Variants in CCNDBP1 observed in about 807,000 individuals in gnomAD.
The protein encoded by CCNDBP1 is cyclin D1 binding protein 1.
A neutral mutation model predicts 46.2 loss-of-function variants in CCNDBP1; 45 were observed. That is an observed-to-expected ratio of 0.97 (90% CI 0.77 to 1.25). The LOEUF (loss-of-function observed/expected upper bound fraction) is 1.25, where lower values mean the gene tolerates loss of function less well. Ranked by LOEUF, CCNDBP1 falls within the 50% of genes most tolerant of loss-of-function variation. The pLI is 0.00. For synonymous variants in CCNDBP1, 154 were observed against 163.6 expected (o/e 0.94, Z 0.45); for missense variants, 436 against 442.1 (o/e 0.99, Z 0.12).
Position 43,197,138 on chromosome 15 carries a change from C to A in CCNDBP1, c.*2297C>A. 1.1e-6 allele frequency: 1 copy of A among 946,508 alleles called. No homozygotes were observed. The highest frequency in any genetic ancestry group is 1.6e-6 in the Non-Finnish European group (1 of 617,590). The allele number at this position is 946,508 out of a possible 1,614,324, so 58.6% of individuals were successfully genotyped here. A position where few individuals can be genotyped will look rare whatever the true frequency, so the allele number is the denominator to read the frequency against. On this transcript the variant is annotated 3_prime_UTR_variant, in exon 11 of 11. Transcript: ENST00000300213. ...CCCTCACTGTTTCTTGTACAGCCTG[C>A]AGAGCCGTGAGCCAAATAAAGCTCT...
chr15:43,187,428 C>A (rs1457425112), intron 3 of CCNDBP1, among the ~76,000 whole-genome samples: 1 of 152,062 alleles, frequency 6.6e-6, no homozygotes, highest in East Asian at 1.9e-4. Context: ...TGTCACCACG[C>A]CTGGCTAATT....
Position 43,190,961 on chromosome 15 carries a change from CAT to C in CCNDBP1, c.503-3_503-2del. The C allele has an allele frequency of 3.1e-6, 5 of 1,612,218 alleles. No individual in the cohort carries two copies. The highest frequency in any genetic ancestry group is 4.2e-6 in the Non-Finnish European group (5 of 1,178,310). ...ATTCTAGTGCTTCTGATTTTTCACT[CAT>C]AGATAACAAAGCTGCAGCTCTTTTG... On this transcript the variant is annotated splice_polypyrimidine_tract_variant and splice_region_variant and intron_variant, in intron 6 of 10. Transcript: ENST00000300213.
intron 9 of CCNDBP1, chr15:43,194,045 GCTTTTTT>G (rs2042002004): frequency 9.9e-6 from 1 of 100,748 alleles, no homozygotes; most frequent in East Asian, 5.0e-4. Flanking sequence ...TTCTTAATGC[GCTTTTTT>G]TTTTTTTTTT....
chr15:43,186,235 TG>T lies in CCNDBP1; in HGVS notation c.249+5del. The T allele has an allele frequency of 1.9e-6, 3 of 1,613,054 alleles. No homozygotes were observed. Among genetic ancestry groups the T allele is most frequent in the Non-Finnish European group, 2.5e-6 (3 of 1,179,036 alleles). On this transcript the variant is annotated splice_donor_region_variant and intron_variant, in intron 3 of 10. Transcript: ENST00000300213. ...CAGCTTCCACTGCCGTCTCCACAGG[TG>T]GGCTTCACTTTCGTGGAATCCTTGG...
chr15:43,194,548 A>T, intron 10 of CCNDBP1, 87 bp downstream of exon 10: 1 of 1,144,786 alleles, frequency 8.7e-7, no homozygotes, highest in Non-Finnish European at 1.3e-6. Flanking sequence ...TCCCATTTCA[A>T]GGAGTGGGAA....
In CCNDBP1 at chr15:43,194,757, T is replaced by C. The variant is rs1450497953; in HGVS notation, c.999T>C (p.Asp333=). Residue 333 remains aspartate (D), a synonymous_variant, in exon 11 of 11, where the codon GAT becomes GAC. Coordinates refer to ENST00000300213, the MANE Select transcript of CCNDBP1 (RefSeq NM_012142.5). ...GTCATGTGACCCCTCAGCCAGAAGA[T>C]AGTTGGATCCCTTTACTTATTAATG... is the stretch of plus-strand genomic sequence containing the variant. ...KASHVTPQPE[D]SWIPLLINAI... The C allele has an allele frequency of 6.2e-7, 1 of 1,613,514 alleles. No homozygotes were observed. Among genetic ancestry groups the C allele is most frequent in the East Asian group, 2.2e-5 (1 of 44,884 alleles).
chr15:43,188,380 T>A (rs1031290310), intron 3 of CCNDBP1: 1 of 152,182 alleles, frequency 6.6e-6, no homozygotes, highest in Admixed American at 6.5e-5. Context: ...TGTCAGTTGG[T>A]CTGTCTGTCT....
chr15:43,191,033 A>C lies in CCNDBP1; in HGVS notation c.570A>C (p.Glu190Asp). 6.2e-7 allele frequency: 1 copy of C among 1,613,596 alleles called. No individual in the cohort carries two copies. Among genetic ancestry groups the C allele is most frequent in the Non-Finnish European group, 8.5e-7 (1 of 1,179,498 alleles). The change falls in exon 7 of 11, where the codon GAA (glutamate) becomes GAC (aspartate). Residue 190 changes from glutamate to aspartate, a missense_variant. Glu to Asp is a conservative substitution (Grantham distance 45, BLOSUM62 2). Transcript: ENST00000300213. Reference sequence around the variant, plus strand: ...ATTTTGTGAAGGATGCACATGAAGAAATGGAGCAGGTGAGGGGACCTCCAT... The same window carrying C: ...ATTTTGTGAAGGATGCACATGAAGACATGGAGCAGGTGAGGGGACCTCCAT... Reference protein sequence around the residue: ...NVDFVKDAHEEMEQAVEECDP... With the variant: ...NVDFVKDAHEDMEQAVEECDP...
chr15:43,186,202 T>C lies in CCNDBP1; in HGVS notation c.218T>C (p.Val73Ala), dbSNP rs1212341642. Residue 73 changes from valine to alanine, a missense_variant, in exon 3 of 11, where the codon GTC (valine) becomes GCC (alanine). Coordinates refer to ENST00000300213, the MANE Select transcript of CCNDBP1 (RefSeq NM_012142.5). The part of the protein sequence containing the change: ...VSREATTLTI[V>A]FSQLPLPSPQ... ...AGGGAAGCCACGACTCTGACCATAG[T>C]CTTCTCTCAGCTTCCACTGCCGTCT... 1 of 1,614,118 alleles carries C rather than the reference T, an allele frequency of 6.2e-7. No individual in the cohort carries two copies. The highest frequency in any genetic ancestry group is 1.7e-5 in the Admixed American group (1 of 60,024).
rs766395517 is a variant in CCNDBP1, at chr15:43,194,790, T to C, written c.1032T>C (p.Asp344=). 1 of 1,613,998 alleles carries C rather than the reference T, an allele frequency of 6.2e-7. No individual in the cohort carries two copies. Among genetic ancestry groups the C allele is most frequent in the African/African-American group, 1.3e-5 (1 of 75,060 alleles). ...TCCCTTTACTTATTAATGCCATTGA[T>C]CATTGCATGAATAGAATCAAGGAGC... is the stretch of plus-strand genomic sequence containing the variant. ...SWIPLLINAI[D]HCMNRIKELT... is the part of the protein sequence containing the mutation. Residue 344 remains aspartate (D), a synonymous_variant, in exon 11 of 11, where the codon GAT becomes GAC. Coordinates refer to ENST00000300213, the MANE Select transcript of CCNDBP1 (RefSeq NM_012142.5).
chr15:43,187,985 G>A (rs1190937234), intron 3 of CCNDBP1, among the ~76,000 whole-genome samples: 1 of 151,970 alleles, frequency 6.6e-6, no homozygotes, highest in Non-Finnish European at 1.5e-5. Flanking sequence ...AAGATGGGTG[G>A]TTGTTGGTTT....
Position 43,185,800 on chromosome 15 carries a change from C to T in CCNDBP1, c.110-20C>T, listed in dbSNP as rs1298571100. On this transcript the variant is annotated intron_variant, in intron 1 of 10. Transcript: ENST00000300213. ...TTTTCCATTCGCCACCGTTCGGCCC[C>T]CACACGCCACACCCACAAGTCGGCG... The T allele has an allele frequency of 1.2e-6, 2 of 1,609,006 alleles. No homozygotes were observed. Among genetic ancestry groups the T allele is most frequent in the East Asian group, 2.2e-5 (1 of 44,842 alleles).
intron 10 of CCNDBP1, 87 bp from the exon 11 acceptor site, chr15:43,194,640 T>C (rs2042015547): frequency 8.9e-7 from 1 of 1,123,864 alleles, no homozygotes. Context: ...AAAAAAATTT[T>C]AGTTTTCCCT....
intron 9 of CCNDBP1, 35 bp from the exon 10 acceptor site, chr15:43,194,380 G>C (rs1233971131): frequency 6.4e-7 from 1 of 1,572,366 alleles, no homozygotes; most frequent in African/African-American, 1.4e-5. Context: ...TTATGGTAGG[G>C]CTCAGGGTGA....
Position 43,186,206 on chromosome 15 carries a change from C to T in CCNDBP1, c.222C>T (p.Phe74=), listed in dbSNP as rs777367392. 3.7e-6 allele frequency: 6 copies of T among 1,614,156 alleles called. No homozygotes were observed. The highest frequency in any genetic ancestry group is 5.1e-6 in the Non-Finnish European group (6 of 1,179,974). ...SREATTLTIV[F]SQLPLPSPQE... Reference sequence around the variant, plus strand: ...AAGCCACGACTCTGACCATAGTCTTCTCTCAGCTTCCACTGCCGTCTCCAC... The same window carrying T: ...AAGCCACGACTCTGACCATAGTCTTTTCTCAGCTTCCACTGCCGTCTCCAC... Residue 74 remains phenylalanine, a synonymous_variant, in exon 3 of 11, where the codon TTC becomes TTT. Transcript: ENST00000300213.
Position 43,186,240 on chromosome 15 carries a change from T to C in CCNDBP1, c.249+7T>C. The C allele has an allele frequency of 1.9e-6, 3 of 1,612,112 alleles. No homozygotes were observed. The highest frequency in any genetic ancestry group is 1.7e-4 in the Middle Eastern group (1 of 6,058). On this transcript the variant is annotated splice_region_variant and intron_variant, in intron 3 of 10. Coordinates refer to ENST00000300213, the MANE Select transcript of CCNDBP1 (RefSeq NM_012142.5). ...TCCACTGCCGTCTCCACAGGTGGGC[T>C]TCACTTTCGTGGAATCCTTGGGCTG...
chr15:43,189,970 T>C (rs1416839327), intron 4 of CCNDBP1, 85 bp from the exon 5 acceptor site: 7 of 1,137,736 alleles, frequency 6.2e-6, no homozygotes, highest in Admixed American at 1.9e-5. Flanking sequence ...CATTACCTTA[T>C]AGTTCTGTAA....
At position 43,196,410 on chromosome 15, in the gene CCNDBP1, C is replaced by T. The variant is rs544211859; in HGVS notation, c.*1569C>T. 6.7e-6 allele frequency: 1 copy of T among 150,172 alleles called. No individual in the cohort carries two copies. The highest frequency in any genetic ancestry group is 1.5e-5 in the Non-Finnish European group (1 of 67,866). 9.3% of individuals were successfully genotyped at this position (150,172 alleles called of 1,614,324 possible). ...TCAAGCAATTCTCTGGCTTCAGCCT[C>T]TCAAGTAGCTGGGACTACAGATGCA... On this transcript the variant is annotated 3_prime_UTR_variant, in exon 11 of 11. Coordinates refer to ENST00000300213, the MANE Select transcript of CCNDBP1 (RefSeq NM_012142.5).
In CCNDBP1 at chr15:43,191,516, C is replaced by T. The variant is rs762040761; in HGVS notation, c.701C>T (p.Ser234Leu). The change falls in exon 8 of 11, where the codon TCA becomes TTA. Residue 234 changes from serine (S) to leucine (L), a missense_variant. Ser to Leu is a moderately radical substitution (Grantham distance 145, BLOSUM62 -2). Coordinates refer to ENST00000300213, the MANE Select transcript of CCNDBP1 (RefSeq NM_012142.5). ...GFPSNQDLYWSEDDQELIIPC... is the reference protein window; with the variant it reads ...GFPSNQDLYWLEDDQELIIPC... ...CCCAGCAATCAGGACTTGTATTGGT[C>T]AGAGGACGATCAAGAGCTCATAATC... The T allele has an allele frequency of 4.3e-6, 7 of 1,613,892 alleles. No homozygotes were observed. Among genetic ancestry groups the T allele is most frequent in the South Asian group, 1.1e-5 (1 of 91,060 alleles).
Sources: allele counts gnomAD v4.1 joint callset (sites outside exome capture counted in the v4.1 genomes callset), GRCh38; gene constraint gnomAD v4.1.1; transcripts MANE v1.5; gene names NCBI Gene and HGNC (gene_info 2026-07-23, HGNC 2026-07-21).